L2HGDH: variants seen among roughly 807,000 people sequenced by gnomAD.
L2HGDH encodes L-2-hydroxyglutarate dehydrogenase, mitochondrial.
A neutral mutation model predicts 51.5 loss-of-function variants in L2HGDH; 34 were observed. That is an observed-to-expected ratio of 0.66 (90% CI 0.50 to 0.88). L2HGDH has a LOEUF of 0.88. Ranked by LOEUF, L2HGDH falls within the 40% of genes least tolerant of loss-of-function variation. The probability of loss-of-function intolerance (pLI) is 0.00; values close to 1 mark genes in which losing one functional copy is unlikely to be tolerated. For synonymous variants in L2HGDH, 198 were observed against 197.9 expected (o/e 1.00, Z -0.01); for missense variants, 558 against 571.9 (o/e 0.98, Z 0.25).
chr14:50,303,021 C>G lies in L2HGDH; in HGVS notation c.141-4G>C, dbSNP rs1273054119. On this transcript the variant is annotated splice_polypyrimidine_tract_variant and splice_region_variant and intron_variant, in intron 1 of 9. Coordinates refer to ENST00000267436, the MANE Select transcript of L2HGDH (RefSeq NM_024884.3). Reference sequence around the variant, plus strand: ...AACGATGACTATATCAAATGAGCTTCAAAAGAAAGTCATCTTTAAAGTAAT... The same window carrying G: ...AACGATGACTATATCAAATGAGCTTGAAAAGAAAGTCATCTTTAAAGTAAT... The G allele has an allele frequency of 2.5e-6, 4 of 1,570,432 alleles. No individual in the cohort carries two copies. In the African/African-American group the frequency reaches 5.4e-5, roughly 21 times the overall value.
intron 9 of L2HGDH, among the ~76,000 whole-genome samples, chr14:50,252,217 T>G (rs1888402327): frequency 6.6e-6 from 1 of 152,058 alleles, no homozygotes. Flanking sequence ...AATAGTGGGT[T>G]ATAAGATAGT....
intron 3 of L2HGDH, among the ~76,000 whole-genome samples, chr14:50,300,965 T>C (rs536793895): frequency 2.0e-5 from 3 of 152,060 alleles, no homozygotes; most frequent in Non-Finnish European, 2.9e-5. Flanking sequence ...GCTGGGACTA[T>C]AGTTGTGCAC....
At chr14:50,277,196 G>T (rs1026240122) in intron 6 of L2HGDH, among the ~76,000 whole-genome samples, 44 of 132,556 alleles carry the variant, frequency 3.3e-4, no homozygotes, top group African/African-American at 1.1e-3. Context: ...AAAGTAGACT[G>T]TTTTTTTTTT....
intron 1 of L2HGDH, among the ~76,000 whole-genome samples, chr14:50,306,053 T>C (rs1367096624): frequency 6.6e-6 from 1 of 151,574 alleles, no homozygotes; most frequent in Non-Finnish European, 1.5e-5. Flanking sequence ...GACTGACTTT[T>C]TTTTTTTTTT....
chr14:50,281,788 C>T (rs999328847), intron 5 of L2HGDH, among the ~76,000 whole-genome samples: 4 of 152,104 alleles, frequency 2.6e-5, no homozygotes, highest in African/African-American at 9.7e-5. Context: ...AGGAGTGATT[C>T]CTTCACCCCC....
chr14:50,245,263 G>A lies in L2HGDH; in HGVS notation c.*1795C>T. 6.1e-6 allele frequency: 6 copies of A among 984,910 alleles called. No individual in the cohort carries two copies. Among genetic ancestry groups the A allele is most frequent in the Non-Finnish European group, 7.2e-6 (6 of 829,512 alleles). The allele number at this position is 984,910 out of a possible 1,614,324, so 61.0% of individuals were successfully genotyped here. ...AGCCTTAGTGTGACTAAAGATCAGA[G>A]ATATAATAGATAAATAACTTTTTTA... On this transcript the variant is annotated 3_prime_UTR_variant, in exon 10 of 10. Coordinates refer to ENST00000267436, the MANE Select transcript of L2HGDH (RefSeq NM_024884.3).
intron 2 of L2HGDH, among the ~76,000 whole-genome samples, 198 bp from the exon 3 acceptor site, chr14:50,302,366 A>G (rs2030462127): frequency 6.6e-6 from 1 of 152,186 alleles, no homozygotes; most frequent in Non-Finnish European, 1.5e-5. Context: ...TCTGATTTCA[A>G]CTACAACTTT....
At chr14:50,311,922 G>A (rs996703332) in intron 1 of L2HGDH, 89 bp downstream of exon 1, 4 of 1,511,736 alleles carry the variant, frequency 2.6e-6, no homozygotes, top group Middle Eastern at 2.3e-4. Context: ...CCCGGGACAG[G>A]GAAATACGAA....
In L2HGDH at chr14:50,245,007, A is replaced by C. The variant is rs1887936139; in HGVS notation, c.*2051T>G. 1.0e-6 allele frequency: 1 copy of C among 985,188 alleles called. No individual in the cohort carries two copies. The allele number at this position is 985,188 out of a possible 1,614,324, so 61.0% of individuals were successfully genotyped here. A position where few individuals can be genotyped will look rare whatever the true frequency, so the allele number is the denominator to read the frequency against. ...ATTTTCTAACTTTCTAAATTATAAG[A>C]ATAATTTCGATAGATACCACAAAAC... On this transcript the variant is annotated 3_prime_UTR_variant, in exon 10 of 10. Coordinates refer to ENST00000267436, the MANE Select transcript of L2HGDH (RefSeq NM_024884.3).
Position 50,278,574 on chromosome 14 carries a change from G to T in L2HGDH, c.704-20C>A. 1.5e-6 allele frequency: 2 copies of T among 1,298,910 alleles called. No individual in the cohort carries two copies. The highest frequency in any genetic ancestry group is 1.5e-5 in the African/African-American group (1 of 68,046). The allele number at this position is 1,298,910 out of a possible 1,614,324, so 80.5% of individuals were successfully genotyped here. A position where few individuals can be genotyped will look rare whatever the true frequency, so the allele number is the denominator to read the frequency against. The stretch of plus-strand genomic sequence containing the variant: ...GCATTCCTGAAAAAAAAGAATAAGT[G>T]AAAAATTTATTTTTAGCAAAAGGCC... On this transcript the variant is annotated intron_variant, in intron 5 of 9. Transcript: ENST00000267436.
In L2HGDH at chr14:50,243,117, A is replaced by G. The variant is rs2139913324; in HGVS notation, c.*3941T>C. 1 of 985,480 alleles carries G rather than the reference A, an allele frequency of 1.0e-6. No homozygotes were observed. The highest frequency in any genetic ancestry group is 4.7e-5 in the South Asian group (1 of 21,294). The allele number at this position is 985,480 out of a possible 1,614,324, so 61.0% of individuals were successfully genotyped here. A position where few individuals can be genotyped will look rare whatever the true frequency, so the allele number is the denominator to read the frequency against. On this transcript the variant is annotated 3_prime_UTR_variant, in exon 10 of 10. Coordinates refer to ENST00000267436, the MANE Select transcript of L2HGDH (RefSeq NM_024884.3). ...CCTCAGGGAAAGTGGAATTCTGCCA[A>G]CAGTAAAGGCAACTCCCCAAACAGT...
chr14:50,283,843 T>C, intron 5 of L2HGDH, 28 bp downstream of exon 5: 1 of 1,605,294 alleles, frequency 6.2e-7, no homozygotes, highest in Non-Finnish European at 8.5e-7. Flanking sequence ...GCTGACTATA[T>C]TCAATAGAAA....
chr14:50,268,642 A>C (rs927783842), intron 7 of L2HGDH, among the ~76,000 whole-genome samples: 13 of 152,208 alleles, frequency 8.5e-5, no homozygotes, highest in Non-Finnish European at 1.8e-4. Flanking sequence ...CAAGCTCAAA[A>C]ATATCAAATA....
At chr14:50,276,708 A>G (rs1305366685) in intron 6 of L2HGDH, among the ~76,000 whole-genome samples, 2 of 152,114 alleles carry the variant, frequency 1.3e-5, no homozygotes, top group African/African-American at 2.4e-5. Flanking sequence ...CCAAAAGTCA[A>G]CCCTACCAGC....
At chr14:50,258,359 G>A (rs975094005) in intron 9 of L2HGDH, among the ~76,000 whole-genome samples, 5 of 151,872 alleles carry the variant, frequency 3.3e-5, no homozygotes, top group African/African-American at 1.2e-4. Context: ...GGGACCACAG[G>A]TGGACACCAC....
chr14:50,295,572 ATT>A (rs545388262), intron 3 of L2HGDH, among the ~76,000 whole-genome samples: 25 of 105,794 alleles, frequency 2.4e-4, no homozygotes, highest in African/African-American at 3.8e-4. Flanking sequence ...CACTCGGCTA[ATT>A]TTTTTTTTTT....
chr14:50,311,655 G>A (rs781136130), intron 1 of L2HGDH, among the ~76,000 whole-genome samples: 1 of 152,212 alleles, frequency 6.6e-6, no homozygotes, highest in African/African-American at 2.4e-5. Context: ...TATACTGTGT[G>A]CTAGGTCCTT....
intron 6 of L2HGDH, among the ~76,000 whole-genome samples, chr14:50,270,571 A>C (rs1232173508): frequency 6.6e-6 from 1 of 151,414 alleles, no homozygotes; most frequent in Admixed American, 6.6e-5. Context: ...AGTGGCAGCG[A>C]TCTCGGCTCA....
chr14:50,283,878 A>G lies in L2HGDH; in HGVS notation c.696T>C (p.Ser232=). Reference sequence around the variant, plus strand: ...AAGACAAGGATGGCTTACCATCTATACTTCTTGAAGGACTTTCTTTAGCCA... The same window carrying G: ...AAGACAAGGATGGCTTACCATCTATGCTTCTTGAAGGACTTTCTTTAGCCA... ...IEMAKESPSR[S]IDGMQYPIVI... Residue 232 remains serine (S), a synonymous_variant, in exon 5 of 10, where the codon AGT becomes AGC. Coordinates refer to ENST00000267436, the MANE Select transcript of L2HGDH (RefSeq NM_024884.3). 2 of 1,613,850 alleles carry G rather than the reference A, an allele frequency of 1.2e-6. No individual in the cohort carries two copies. The highest frequency in any genetic ancestry group is 1.7e-6 in the Non-Finnish European group (2 of 1,179,786).
Sources: gnomAD v4.1 joint callset for allele counts (sites outside exome capture counted in the v4.1 genomes callset) on GRCh38, gnomAD v4.1.1 for gene constraint, MANE v1.5 for transcripts, NCBI Gene and HGNC (gene_info 2026-07-23, HGNC 2026-07-21) for gene names.